Variants in NRXN2 observed in about 807,000 individuals in gnomAD.
NRXN2 encodes neurexin-2-beta.
NRXN2 carries 29 observed loss-of-function variants against 128.8 expected under a neutral mutation model. The ratio of observed to expected loss-of-function variants is 0.23; its 90% CI spans 0.17 to 0.31. The LOEUF (loss-of-function observed/expected upper bound fraction) is 0.31, where lower values mean the gene tolerates loss of function less well. Ranked by LOEUF, NRXN2 falls within the 10% of genes least tolerant of loss-of-function variation. The pLI is 1.00. For synonymous variants in NRXN2, 1,098 were observed against 1,075.2 expected, an observed-to-expected ratio of 1.02 and a Z score of -0.41; for missense variants, 1,881 against 2,452.6, an observed-to-expected ratio of 0.77 and a Z score of 4.92.
intron 22 of NRXN2, among the ~76,000 whole-genome samples, chr11:64,616,622 C>T (rs530975867): frequency 1.3e-5 from 2 of 152,334 alleles, no homozygotes; most frequent in African/African-American, 4.8e-5. Context: ...CATATTCACA[C>T]ACACTCAGGT....
chr11:64,615,335 A>G (rs1201317977), intron 22 of NRXN2, among the ~76,000 whole-genome samples: 1 of 152,272 alleles, frequency 6.6e-6, no homozygotes, highest in Non-Finnish European at 1.5e-5. Flanking sequence ...ACTTACATGA[A>G]TGAGAAATAC....
At chr11:64,620,448 G>C in intron 21 of NRXN2, 76 bp from the exon 22 acceptor site, 1 of 1,133,530 alleles carries the variant, frequency 8.8e-7, no homozygotes, top group Non-Finnish European at 1.3e-6. Context: ...CACTTGAGGT[G>C]CACGGTGGCA....
chr11:64,670,850 C>T (rs2050538864), intron 7 of NRXN2, among the ~76,000 whole-genome samples: 1 of 152,170 alleles, frequency 6.6e-6, no homozygotes. Context: ...CAAAGCTCCC[C>T]AGGAAGAGAA....
At chr11:64,679,047 G>A (rs573372988) in intron 6 of NRXN2, among the ~76,000 whole-genome samples, 36 of 152,302 alleles carry the variant, frequency 2.4e-4, no homozygotes, top group Non-Finnish European at 4.7e-4. Flanking sequence ...AGGGGATAGC[G>A]TGTGGTAAGA....
At chr11:64,650,246 G>A (rs574016384) in intron 15 of NRXN2, among the ~76,000 whole-genome samples, 3 of 152,224 alleles carry the variant, frequency 2.0e-5, no homozygotes, top group South Asian at 4.1e-4. Flanking sequence ...CAGGCTTTCA[G>A]TGGTGACATG....
At chr11:64,697,695 G>C (rs1248159561) in intron 3 of NRXN2, 80 bp downstream of exon 3, 6 of 1,549,450 alleles carry the variant, frequency 3.9e-6, no homozygotes, top group Non-Finnish European at 5.3e-6. Flanking sequence ...GGGAGTCCTT[G>C]GGTAGCCAAC....
At chr11:64,690,908 C>A (rs2053721008) in intron 4 of NRXN2, among the ~76,000 whole-genome samples, 1 of 152,120 alleles carries the variant, frequency 6.6e-6, no homozygotes, top group Non-Finnish European at 1.5e-5. Flanking sequence ...TTGCTCACAC[C>A]CTTTATGCTG....
intron 22 of NRXN2, among the ~76,000 whole-genome samples, chr11:64,614,429 C>G (rs1419335025): frequency 1.3e-5 from 2 of 152,198 alleles, no homozygotes; most frequent in African/African-American, 4.8e-5. Flanking sequence ...CAGGGGTGGG[C>G]TATCATGCTA....
intron 12 of NRXN2, among the ~76,000 whole-genome samples, chr11:64,653,285 A>C (rs938922711): frequency 2.6e-5 from 4 of 151,998 alleles, no homozygotes; most frequent in Non-Finnish European, 5.9e-5. Context: ...CTTGTGGCCA[A>C]TTCTGGAGAT....
chr11:64,696,194 C>G lies in NRXN2; in HGVS notation c.748+1581G>C, dbSNP rs371617094. The stretch of plus-strand genomic sequence containing the variant: ...CATCAAGAGCAAGTAAAAGTCACAT[C>G]AACACTAAATCTTATCTCCAGCCCT... On this transcript the variant is annotated intron_variant, in intron 3 of 22. Coordinates refer to ENST00000265459, the MANE Select transcript of NRXN2 (RefSeq NM_015080.4). Among the ~76,000 whole-genome samples the G allele has an allele frequency of 4.6e-5, 7 of 152,114 alleles. No individual in the cohort carries two copies. In the East Asian group the frequency reaches 7.7e-4, roughly 17 times the overall value.
chr11:64,699,575 G>A (rs1411279662), intron 2 of NRXN2, among the ~76,000 whole-genome samples: 2 of 151,728 alleles, frequency 1.3e-5, no homozygotes, highest in Non-Finnish European at 2.9e-5. Flanking sequence ...ACCACACCCG[G>A]CTACTTTTTG....
chr11:64,668,548 G>A lies in NRXN2; in HGVS notation c.1254C>T (p.Tyr418=). Residue 418 remains tyrosine (Y), a synonymous_variant, in exon 8 of 23, where the codon TAC becomes TAT. Transcript: ENST00000265459. ...AGAAGTCATCAGAGCCCAGCATGGT[G>A]TAATCCTCCTGCGTGTAGCCTGTGG... is the stretch of plus-strand genomic sequence containing the variant. ...LTTTGYTQED[Y]TMLGSDDFFY... 6.2e-7 allele frequency: 1 copy of A among 1,614,102 alleles called. No homozygotes were observed.
intron 2 of NRXN2, among the ~76,000 whole-genome samples, chr11:64,711,136 C>A (rs560746500): frequency 1.3e-5 from 2 of 152,334 alleles, no homozygotes; most frequent in South Asian, 4.1e-4. Flanking sequence ...CACCTGCAGG[C>A]TGGGCCCTCC....
At chr11:64,711,497 C>T (rs1283446610) in intron 2 of NRXN2, among the ~76,000 whole-genome samples, 3 of 152,176 alleles carry the variant, frequency 2.0e-5, no homozygotes, top group Non-Finnish European at 2.9e-5. Context: ...CCCCCTGCCC[C>T]CCGACACCAC....
chr11:64,658,336 G>C (rs143402909), intron 11 of NRXN2, among the ~76,000 whole-genome samples: 47 of 152,340 alleles, frequency 3.1e-4, no homozygotes, highest in African/African-American at 1.1e-3. Context: ...GGGGTCCTTG[G>C]CTGGGGCTAT....
chr11:64,692,434 T>C (rs1336315887), intron 4 of NRXN2, among the ~76,000 whole-genome samples: 3 of 151,012 alleles, frequency 2.0e-5, no homozygotes, highest in African/African-American at 7.3e-5. Flanking sequence ...CTTAGGTCCA[T>C]AGAAAAGAAA....
At chr11:64,643,361 GAGGGGGGGGCGGGAGA>G in intron 17 of NRXN2, 1 of 609,960 alleles carries the variant, frequency 1.6e-6, no homozygotes, top group Non-Finnish European at 2.0e-6. Flanking sequence ...GCGGCCGGGG[GAGGGGGGGGCGGGAGA>G]AGGGGGAAGG....
At chr11:64,677,375 G>A (rs1182056516) in intron 6 of NRXN2, among the ~76,000 whole-genome samples, 5 of 144,688 alleles carry the variant, frequency 3.5e-5, no homozygotes, top group Non-Finnish European at 6.0e-5. Context: ...AAGAAGAGCC[G>A]TCTGCAGAGA....
At position 64,630,592 on chromosome 11, in the gene NRXN2, A is replaced by T; in HGVS notation, c.3586-19T>A. On this transcript the variant is annotated intron_variant, in intron 18 of 22. Coordinates refer to ENST00000265459, the MANE Select transcript of NRXN2 (RefSeq NM_015080.4). The surrounding 1 kb of genome is among the most constrained non-coding windows in gnomAD (Gnocchi z 4.6). ...CCTGGTCCTGGGGACATGGAGGTGG[A>T]GGTCAGCGACCAGAGGGAGCAACCA... 1 of 1,613,520 alleles carries T rather than the reference A, an allele frequency of 6.2e-7. No homozygotes were observed. The highest frequency in any genetic ancestry group is 1.3e-5 in the African/African-American group (1 of 75,058).
Sources: gnomAD v4.1 joint callset for allele counts (sites outside exome capture counted in the v4.1 genomes callset) on GRCh38, gnomAD v4.1.1 for gene constraint, Gnocchi (gnomAD v3.1) non-coding constraint, MANE v1.5 for transcripts, NCBI Gene and HGNC (gene_info 2026-07-23, HGNC 2026-07-21) for gene names.